SLC2A13: variants seen among roughly 807,000 people sequenced by gnomAD.
The protein encoded by SLC2A13 is proton myo-inositol cotransporter.
Under a neutral mutation model 64.4 loss-of-function variants are expected in SLC2A13, and 32 were observed. That is an observed-to-expected ratio of 0.50 (90% CI 0.37 to 0.67). The LOEUF (loss-of-function observed/expected upper bound fraction) is 0.67. SLC2A13 is among the 30% of genes least tolerant of loss of function. The pLI is 0.00. For synonymous variants in SLC2A13, 338 were observed against 327.1 expected (o/e 1.03, Z -0.36); for missense variants, 743 against 829.2 (o/e 0.90, Z 1.28).
At chr12:39,900,947 G>A (rs1426319617) in intron 4 of SLC2A13, among the ~76,000 whole-genome samples, 2 of 152,096 alleles carry the variant, frequency 1.3e-5, no homozygotes, top group Admixed American at 1.3e-4. Flanking sequence ...TATACCACAA[G>A]GCAACAGTAA....
chr12:39,947,401 A>T (rs2136095335), intron 4 of SLC2A13, among the ~76,000 whole-genome samples: 1 of 152,352 alleles, frequency 6.6e-6, no homozygotes, highest in Non-Finnish European at 1.5e-5. Context: ...TTATCAGAAT[A>T]TACCAAAATA....
At chr12:39,809,089 G>A (rs766223950) in intron 7 of SLC2A13, among the ~76,000 whole-genome samples, 1 of 152,052 alleles carries the variant, frequency 6.6e-6, no homozygotes, top group Non-Finnish European at 1.5e-5. Context: ...TGTGTTTAGG[G>A]TGTAAGAGTT....
intron 7 of SLC2A13, among the ~76,000 whole-genome samples, chr12:39,820,699 C>T (rs1293017366): frequency 2.9e-5 from 2 of 67,804 alleles, no homozygotes; most frequent in Admixed American, 1.7e-4. Flanking sequence ...GTATAATCTT[C>T]GGCTTAAATT....
intron 4 of SLC2A13, among the ~76,000 whole-genome samples, chr12:39,914,313 T>C (rs10877773): frequency 0.44 from 66,472 of 151,804 alleles, 15,055 homozygotes; most frequent in East Asian, 0.76. Context: ...CTTACAACAG[T>C]GGTGGAATAA....
At chr12:39,928,413 G>A (rs1262170022) in intron 4 of SLC2A13, among the ~76,000 whole-genome samples, 1 of 152,106 alleles carries the variant, frequency 6.6e-6, no homozygotes, top group Non-Finnish European at 1.5e-5. Context: ...TGTGTGAGTG[G>A]TGGAATCAAG....
intron 1 of SLC2A13, among the ~76,000 whole-genome samples, chr12:40,104,416 C>A (rs1939235129): frequency 6.6e-6 from 1 of 152,204 alleles, no homozygotes; most frequent in Non-Finnish European, 1.5e-5. Context: ...CCAGGAGAAC[C>A]TTAATGCCTT....
rs573947225 is a variant in SLC2A13 at position 39,999,949 on chromosome 12, T to C, written c.925+28352A>G. Among the ~76,000 whole-genome samples, 20 of 152,334 alleles carry C rather than the reference T, an allele frequency of 1.3e-4. No individual in the cohort carries two copies. The South Asian group carries it at 3.9e-3, about 30-fold the overall frequency. The stretch of plus-strand genomic sequence containing the variant: ...GATGTCACCCCTGGAGGCCCAGCTG[T>C]AAAATTCCTCTCTTTGTACTCTTTC... On this transcript the variant is annotated intron_variant, in intron 3 of 9. Transcript: ENST00000280871.
rs111575887 is a variant in SLC2A13, at chr12:39,766,319, A to G, written c.1446-1461T>C. ...CGGATTTTTTGGTTTCCCACTACAT[A>G]TAAAAGTTATGTTCCCATGAAAGTG... On this transcript the variant is annotated intron_variant, in intron 7 of 9. Coordinates refer to ENST00000280871, the MANE Select transcript of SLC2A13 (RefSeq NM_052885.4). Among the ~76,000 whole-genome samples, 783 of 152,240 alleles carry G rather than the reference A, an allele frequency of 5.1e-3. 5 individuals are homozygous for G. Among genetic ancestry groups the G allele is most frequent in the African/African-American group, 0.017 (718 of 41,572 alleles).
intron 7 of SLC2A13, among the ~76,000 whole-genome samples, chr12:39,814,091 G>T (rs1942269775): frequency 6.6e-6 from 1 of 152,048 alleles, no homozygotes; most frequent in African/African-American, 2.4e-5. Context: ...CTTCACTTTT[G>T]CCCATACTCT....
chr12:39,808,955 G>C (rs74752119), intron 7 of SLC2A13, among the ~76,000 whole-genome samples: 1 of 152,022 alleles, frequency 6.6e-6, no homozygotes, highest in Non-Finnish European at 1.5e-5. Context: ...TTTGTTGTGT[G>C]TGCTTTTTGT....
chr12:39,926,050 T>A (rs907329617), intron 4 of SLC2A13, among the ~76,000 whole-genome samples: 1 of 152,172 alleles, frequency 6.6e-6, no homozygotes, highest in African/African-American at 2.4e-5. Context: ...TTTGGTAAGC[T>A]TTTATATTTG....
chr12:39,844,561 T>A (rs575372959), intron 6 of SLC2A13, among the ~76,000 whole-genome samples: 2 of 152,176 alleles, frequency 1.3e-5, no homozygotes, highest in South Asian at 4.1e-4. Flanking sequence ...TCATAACATA[T>A]AAAATATAAA....
At chr12:40,019,478 G>C (rs1004498879) in intron 3 of SLC2A13, among the ~76,000 whole-genome samples, 3 of 152,074 alleles carry the variant, frequency 2.0e-5, no homozygotes, top group South Asian at 2.1e-4. Flanking sequence ...CCCAGATCCC[G>C]CCTCCTTCAC....
At chr12:39,792,691 T>C (rs1033910260) in intron 7 of SLC2A13, among the ~76,000 whole-genome samples, 3 of 152,094 alleles carry the variant, frequency 2.0e-5, no homozygotes, top group Non-Finnish European at 4.4e-5. Flanking sequence ...AAAAGTCAGA[T>C]ATAGATACCA....
intron 7 of SLC2A13, among the ~76,000 whole-genome samples, chr12:39,815,399 A>G (rs1273254331): frequency 6.6e-6 from 1 of 152,226 alleles, no homozygotes; most frequent in Admixed American, 6.5e-5. Flanking sequence ...ATATAAAATC[A>G]TTTGGAAGAA....
chr12:40,040,119 C>T (rs137877320), intron 2 of SLC2A13, among the ~76,000 whole-genome samples: 9 of 152,126 alleles, frequency 5.9e-5, no homozygotes, highest in African/African-American at 2.2e-4. Flanking sequence ...GCTTAAATGC[C>T]GAATATAGAG....
intron 1 of SLC2A13, among the ~76,000 whole-genome samples, chr12:40,095,087 T>C (rs1448653948): frequency 1.3e-5 from 2 of 152,236 alleles, no homozygotes; most frequent in Admixed American, 1.3e-4. Context: ...ATGTACTTCA[T>C]GTATCATGAC....
Position 39,821,134 on chromosome 12 carries a change from T to A in SLC2A13, c.1445+8969A>T, listed in dbSNP as rs575939041. On this transcript the variant is annotated intron_variant, in intron 7 of 9. Coordinates refer to ENST00000280871, the MANE Select transcript of SLC2A13 (RefSeq NM_052885.4). ...AGTTCCTTTTATAACTCAAAAAAAA[T>A]TTTTCGCAGTGGCTCACGCCTGTAA... Among the ~76,000 whole-genome samples, 10 of 152,144 alleles carry A rather than the reference T, an allele frequency of 6.6e-5. 1 individual carries two copies. Among genetic ancestry groups the A allele is most frequent in the Middle Eastern group, 6.8e-3 (2 of 294 alleles).
intron 7 of SLC2A13, among the ~76,000 whole-genome samples, chr12:39,771,226 C>A (rs764819723): frequency 1.3e-5 from 2 of 152,066 alleles, no homozygotes; most frequent in Non-Finnish European, 2.9e-5. Context: ...GATTTTCATG[C>A]CTTGTGTAGT....
Sources: allele counts gnomAD v4.1 joint callset (sites outside exome capture counted in the v4.1 genomes callset), GRCh38; gene constraint gnomAD v4.1.1; transcripts MANE v1.5; gene names NCBI Gene and HGNC (gene_info 2026-07-23, HGNC 2026-07-21).